Variants in MDGA2 observed in about 807,000 individuals in gnomAD.
The protein encoded by MDGA2 is MAM domain-containing glycosylphosphatidylinositol anchor protein 2.
In MDGA2, 40 loss-of-function variants were observed where a neutral mutation model predicts 117.8. The observed-to-expected ratio is 0.34, with a 90% CI of 0.26 to 0.44. The LOEUF (loss-of-function observed/expected upper bound fraction) is 0.44. MDGA2 is among the 20% of genes least tolerant of loss of function. The pLI, the probability that MDGA2 is intolerant of heterozygous loss-of-function variation, is 1.00. For synonymous variants in MDGA2, 452 were observed against 439.0 expected, an observed-to-expected ratio of 1.03 and a Z score of -0.37; for missense variants, 1,123 against 1,250.6, an observed-to-expected ratio of 0.90 and a Z score of 1.54.
At chr14:47,312,885 A>G (rs1889687057) in intron 1 of MDGA2, among the ~76,000 whole-genome samples, 1 of 146,882 alleles carries the variant, frequency 6.8e-6, no homozygotes, top group Non-Finnish European at 1.5e-5. Context: ...ATGACTCACA[A>G]CACTTAAATA....
chr14:47,238,462 C>T (rs575271624), intron 2 of MDGA2, among the ~76,000 whole-genome samples: 21 of 146,740 alleles, frequency 1.4e-4, no homozygotes, highest in African/African-American at 4.9e-4. Context: ...GAAATTATCT[C>T]GGTAATGCCC....
intron 5 of MDGA2, among the ~76,000 whole-genome samples, chr14:47,101,075 C>CGATA (rs57541385): frequency 0.13 from 17,663 of 139,868 alleles, 1,096 homozygotes; most frequent in Middle Eastern, 0.2. Flanking sequence ...AATGGAGGGA[C>CGATA]GATAGATAGA....
intron 1 of MDGA2, among the ~76,000 whole-genome samples, chr14:47,644,043 G>A (rs1385646213): frequency 1.3e-5 from 2 of 152,118 alleles, no homozygotes; most frequent in Non-Finnish European, 2.9e-5. Flanking sequence ...TAGTTTATTA[G>A]AGCATCTATA....
intron 7 of MDGA2, among the ~76,000 whole-genome samples, chr14:47,048,144 C>A (rs973841993): frequency 2.6e-5 from 4 of 151,952 alleles, no homozygotes; most frequent in African/African-American, 9.7e-5. Context: ...TCTACTCCTC[C>A]CTTACAAGGA....
chr14:47,621,484 T>C (rs1044989999), intron 1 of MDGA2, among the ~76,000 whole-genome samples: 6 of 152,254 alleles, frequency 3.9e-5, no homozygotes, highest in Admixed American at 6.5e-5. Flanking sequence ...ACCACTGTGA[T>C]TGGCTTCCCA....
At chr14:46,934,534 G>A (rs1036296958) in intron 9 of MDGA2, among the ~76,000 whole-genome samples, 1 of 152,064 alleles carries the variant, frequency 6.6e-6, no homozygotes, top group African/African-American at 2.4e-5. Context: ...ACGTACTACT[G>A]TCCTTGTCTG....
chr14:47,246,837 A>G (rs8005465), intron 2 of MDGA2, among the ~76,000 whole-genome samples: 103,029 of 149,122 alleles, frequency 0.69, 37,067 homozygotes, highest in African/African-American at 0.84. Flanking sequence ...ACACACACTC[A>G]GACGTATCAA....
chr14:47,014,390 T>G (rs1238327431), intron 8 of MDGA2, among the ~76,000 whole-genome samples: 1 of 152,204 alleles, frequency 6.6e-6, no homozygotes. Context: ...TTTGAAGTTT[T>G]GAAGCCAGTC....
At chr14:46,913,281 A>T (rs975137824) in intron 10 of MDGA2, among the ~76,000 whole-genome samples, 1 of 152,082 alleles carries the variant, frequency 6.6e-6, no homozygotes, top group Non-Finnish European at 1.5e-5. Flanking sequence ...CAGTATACTC[A>T]GTATGGTATT....
chr14:47,582,276 T>C (rs1424951756), intron 1 of MDGA2, among the ~76,000 whole-genome samples: 3 of 151,864 alleles, frequency 2.0e-5, no homozygotes, highest in Non-Finnish European at 2.9e-5. Context: ...TCCTCCATAA[T>C]AGTGTCATGA....
intron 1 of MDGA2, among the ~76,000 whole-genome samples, chr14:47,333,412 G>C (rs912873936): frequency 1.3e-5 from 2 of 151,796 alleles, no homozygotes; most frequent in African/African-American, 4.8e-5. Flanking sequence ...TTTGAATGCA[G>C]TTACATTCTA....
intron 4 of MDGA2, among the ~76,000 whole-genome samples, chr14:47,133,683 C>T (rs1350427429): frequency 6.6e-6 from 1 of 152,012 alleles, no homozygotes; most frequent in African/African-American, 2.4e-5. Flanking sequence ...CACATCTGAA[C>T]TCAACATATC....
In MDGA2 at chr14:46,936,350, C is replaced by T. The variant is rs117727721; in HGVS notation, c.2090-16190G>A. 6.7e-3 allele frequency among the ~76,000 whole-genome samples: 1,017 copies of T among 152,174 alleles called. 5 individuals are homozygous for T. Among genetic ancestry groups the T allele is most frequent in the Non-Finnish European group, 0.01 (688 of 68,012 alleles). ...GGGCCTTCTCTTCTCCCATGAGGAA[C>T]TGCTATTTTTCACCTCCCATTATTA... On this transcript the variant is annotated intron_variant, in intron 9 of 16. Coordinates refer to ENST00000399232, the MANE Select transcript of MDGA2 (RefSeq NM_001113498.3).
intron 3 of MDGA2, among the ~76,000 whole-genome samples, chr14:47,208,342 C>A (rs1594723358): frequency 6.6e-6 from 1 of 152,080 alleles, no homozygotes. Context: ...AGTATGGCCT[C>A]AAGTGCTAAA....
chr14:46,961,294 T>G (rs1885798069), intron 8 of MDGA2, among the ~76,000 whole-genome samples: 1 of 152,280 alleles, frequency 6.6e-6, no homozygotes, highest in South Asian at 2.1e-4. Context: ...ATTAGCTGTT[T>G]AAATAACACC....
chr14:47,107,968 A>G (rs1442218567), intron 5 of MDGA2, among the ~76,000 whole-genome samples: 2 of 148,776 alleles, frequency 1.3e-5, no homozygotes, highest in Non-Finnish European at 3.0e-5. Context: ...TCCCACCTCT[A>G]TACAGTCTGA....
intron 1 of MDGA2, among the ~76,000 whole-genome samples, chr14:47,559,872 C>T (rs1895762795): frequency 6.6e-6 from 1 of 151,986 alleles, no homozygotes; most frequent in Non-Finnish European, 1.5e-5. Context: ...CATGCCCAGC[C>T]AAGTATTTTT....
intron 1 of MDGA2, among the ~76,000 whole-genome samples, chr14:47,503,686 G>C (rs1270591230): frequency 2.0e-5 from 3 of 152,074 alleles, no homozygotes; most frequent in Non-Finnish European, 4.4e-5. Context: ...TTACAGGCGT[G>C]AGCCACTGCG....
chr14:47,018,733 G>GAAAAAAAAAAAAAAAAAAA (rs60442845), intron 8 of MDGA2, among the ~76,000 whole-genome samples: 3 of 38,662 alleles, frequency 7.8e-5, no homozygotes, highest in African/African-American at 1.1e-4. Flanking sequence ...CCATTTTACT[G>GAAAAAAAAAAAAAAAAAAA]AAAAAAAAAA....
Sources: allele counts gnomAD v4.1 joint callset (sites outside exome capture counted in the v4.1 genomes callset), GRCh38; gene constraint gnomAD v4.1.1; transcripts MANE v1.5; gene names NCBI Gene and HGNC (gene_info 2026-07-23, HGNC 2026-07-21).